Variants in SERGEF observed in about 807,000 individuals in gnomAD.
SERGEF encodes secretion regulating guanine nucleotide exchange factor, also known as secretion-regulating guanine nucleotide exchange factor.
Under a neutral mutation model 50.0 loss-of-function variants are expected in SERGEF, and 51 were observed. The observed-to-expected ratio is 1.02, with a 90% confidence interval of 0.81 to 1.29. The LOEUF (loss-of-function observed/expected upper bound fraction) is 1.29, where lower values mean the gene tolerates loss of function less well. Among genes scored for constraint, SERGEF ranks in the 50% most tolerant of loss-of-function variants. The pLI is 0.00. For synonymous variants in SERGEF, 205 were observed against 212.4 expected (o/e 0.97, Z 0.30); for missense variants, 521 against 557.0 (o/e 0.94, Z 0.65).
At chr11:17,798,204 C>T (rs182822608) in intron 10 of SERGEF, among the ~76,000 whole-genome samples, 75 of 152,312 alleles carry the variant, frequency 4.9e-4, no homozygotes, top group Middle Eastern at 6.8e-3. Context: ...AACCCCCTTG[C>T]TCAAAAGGTT....
chr11:17,828,933 G>A (rs1181167946), intron 10 of SERGEF, among the ~76,000 whole-genome samples: 1 of 152,178 alleles, frequency 6.6e-6, no homozygotes, highest in African/African-American at 2.4e-5. Flanking sequence ...TTGTCCAAGT[G>A]TCTGGCATAA....
intron 8 of SERGEF, among the ~76,000 whole-genome samples, chr11:17,983,500 T>C (rs1414527076): frequency 2.6e-5 from 4 of 152,250 alleles, no homozygotes; most frequent in African/African-American, 9.6e-5. Context: ...AGTCCTGTGC[T>C]GGATGCTTTA....
intron 4 of SERGEF, among the ~76,000 whole-genome samples, chr11:18,003,808 G>A (rs949402123): frequency 6.6e-6 from 1 of 152,182 alleles, no homozygotes; most frequent in Admixed American, 6.5e-5. Context: ...AGGGGCTGAG[G>A]GGAAGGGAGA....
chr11:17,926,854 G>A, intron 9 of SERGEF: 1 of 456,202 alleles, frequency 2.2e-6, no homozygotes, highest in South Asian at 1.5e-5. Context: ...TATCTGGCAT[G>A]TAATGGGCAC....
intron 9 of SERGEF, among the ~76,000 whole-genome samples, chr11:17,910,362 C>A (rs1223129953): frequency 1.3e-5 from 2 of 152,170 alleles, no homozygotes; most frequent in African/African-American, 4.8e-5. Context: ...AATCCTCCTG[C>A]CTCAACCTCC....
chr11:17,805,718 G>A (rs151114513), intron 10 of SERGEF, among the ~76,000 whole-genome samples: 9 of 152,314 alleles, frequency 5.9e-5, no homozygotes, highest in African/African-American at 2.2e-4. Context: ...GACCACCAGT[G>A]TTAGAGTCAA....
rs1565194561 is a variant in SERGEF, at chr11:17,884,082, GA to G, written c.1012-5839del. On this transcript the variant is annotated intron_variant, in intron 9 of 10. Transcript: ENST00000265965. This position sits in a 1 kb window ranked among gnomAD's most constrained non-coding sequence, Gnocchi z 4.6. ...CCAGGGGCCGCTTTCCTCTACCAGA[GA>G]GGGGTAGCCAGCCGCAGCCCAAAGG... Among the ~76,000 whole-genome samples the G allele has an allele frequency of 6.6e-6, 1 of 152,168 alleles. No individual in the cohort carries two copies. Among genetic ancestry groups the G allele is most frequent in the African/African-American group, 2.4e-5 (1 of 41,444 alleles).
intron 10 of SERGEF, among the ~76,000 whole-genome samples, chr11:17,801,109 G>C (rs1013553721): frequency 6.6e-6 from 1 of 151,740 alleles, no homozygotes; most frequent in African/African-American, 2.4e-5. Context: ...GCAGGAGAAC[G>C]GCGTGAACCT....
At chr11:17,923,469 T>G (rs1056610671) in intron 9 of SERGEF, among the ~76,000 whole-genome samples, 5 of 152,186 alleles carry the variant, frequency 3.3e-5, no homozygotes, top group Non-Finnish European at 5.9e-5. Flanking sequence ...ACAAATGAGC[T>G]GAGCACAGGC....
At chr11:17,896,323 T>A (rs1851619601) in intron 9 of SERGEF, among the ~76,000 whole-genome samples, 1 of 152,128 alleles carries the variant, frequency 6.6e-6, no homozygotes, top group Non-Finnish European at 1.5e-5. Flanking sequence ...GCTCATTTAA[T>A]CTGTGATTTA....
intron 10 of SERGEF, chr11:17,855,797 G>C (rs750202874): frequency 1.3e-5 from 2 of 152,238 alleles, no homozygotes; most frequent in Non-Finnish European, 2.9e-5. Flanking sequence ...TGAGTGGTGG[G>C]AGATCTGCTT....
At chr11:17,933,992 A>G (rs752997795) in intron 9 of SERGEF, among the ~76,000 whole-genome samples, 5 of 152,150 alleles carry the variant, frequency 3.3e-5, no homozygotes, top group Non-Finnish European at 7.4e-5. Flanking sequence ...TAAAGCTGGT[A>G]TCTCTATGTT....
At chr11:17,945,134 T>C (rs1361108637) in intron 9 of SERGEF, among the ~76,000 whole-genome samples, 2 of 152,272 alleles carry the variant, frequency 1.3e-5, no homozygotes, top group East Asian at 3.8e-4. Flanking sequence ...AGGAGTATAT[T>C]GAATTGTTCT....
At chr11:17,878,735 T>A (rs910791399) in intron 9 of SERGEF, among the ~76,000 whole-genome samples, 1 of 152,198 alleles carries the variant, frequency 6.6e-6, no homozygotes, top group African/African-American at 2.4e-5. Context: ...CCCTTTCACC[T>A]ACCAGCCACA....
rs1343735824 is a variant in SERGEF, at chr11:17,888,673, ACACACG to A, written c.1012-10435_1012-10430del. On this transcript the variant is annotated intron_variant, in intron 9 of 10. Transcript: ENST00000265965. This position sits in a 1 kb window ranked among gnomAD's most constrained non-coding sequence, Gnocchi z 4.1. Reference sequence around the variant, plus strand: ...CACACACACACACACACACACACACACACACGCATTGAGTTAAACCAACATGAAATT... The same window carrying A: ...CACACACACACACACACACACACACACATTGAGTTAAACCAACATGAAATT... Among the ~76,000 whole-genome samples, 34 of 135,562 alleles carry A rather than the reference ACACACG, an allele frequency of 2.5e-4. No individual in the cohort carries two copies. The highest frequency in any genetic ancestry group is 9.7e-4 in the African/African-American group (33 of 33,988). 88.9% of individuals were successfully genotyped at this position (135,562 alleles called of 152,430 possible).
intron 10 of SERGEF, among the ~76,000 whole-genome samples, chr11:17,813,777 G>A (rs1048669104): frequency 1.3e-5 from 2 of 152,234 alleles, no homozygotes; most frequent in African/African-American, 4.8e-5. Context: ...AAACATTAGA[G>A]AAGCAGATTG....
At chr11:18,012,759 G>A in intron 1 of SERGEF, 192 bp downstream of exon 1, 1 of 1,421,946 alleles carries the variant, frequency 7.0e-7, no homozygotes, top group Non-Finnish European at 9.3e-7. Flanking sequence ...TAAGTCGACC[G>A]CGAAGACCCT....
At chr11:17,947,215 T>C (rs574647375) in intron 9 of SERGEF, among the ~76,000 whole-genome samples, 1 of 152,334 alleles carries the variant, frequency 6.6e-6, no homozygotes, top group Admixed American at 6.5e-5. Context: ...AATCAAGATA[T>C]GGTGCCTATC....
rs547277609 is a variant in SERGEF, at chr11:17,954,081, G to T, written c.1011+5389C>A. ...GGACCCTGCTACAACTGAAAGGTTT[G>T]GCCTGCCTGGGCCCATGGTCTCAGA... On this transcript the variant is annotated intron_variant, in intron 9 of 10. Coordinates refer to ENST00000265965, the MANE Select transcript of SERGEF (RefSeq NM_012139.4). Among the ~76,000 whole-genome samples, 3 of 152,252 alleles carry T rather than the reference G, an allele frequency of 2.0e-5. No individual in the cohort carries two copies. The East Asian group carries it at 5.8e-4, about 29-fold the overall frequency.
Sources: allele counts gnomAD v4.1 joint callset (sites outside exome capture counted in the v4.1 genomes callset), GRCh38; gene constraint gnomAD v4.1.1; non-coding constraint Gnocchi (gnomAD v3.1); transcripts MANE v1.5; gene names NCBI Gene and HGNC (gene_info 2026-07-23, HGNC 2026-07-21).